The following AMACR variants were observed in gnomAD, a reference collection of about 807,000 sequenced individuals.
AMACR encodes 2-methylacyl-CoA racemase.
In AMACR, 18 loss-of-function variants were observed where a neutral mutation model predicts 22.2. That is an observed-to-expected ratio of 0.81 (90% confidence interval 0.56 to 1.20). The LOEUF (loss-of-function observed/expected upper bound fraction) is 1.20, where lower values mean the gene tolerates loss of function less well. Among genes scored for constraint, AMACR ranks in the 50% most tolerant of loss-of-function variants. The pLI, the probability that AMACR is intolerant of heterozygous loss-of-function variation, is 0.00. For synonymous variants in AMACR, 213 were observed against 191.3 expected, an observed-to-expected ratio of 1.11 and a Z score of -0.94; for missense variants, 499 against 490.6, an observed-to-expected ratio of 1.02 and a Z score of -0.16.
chr5:33,997,281 T>C (rs1753669560), intron 4 of AMACR: 3 of 772,626 alleles, frequency 3.9e-6, no homozygotes, highest in Non-Finnish European at 7.2e-6. Flanking sequence ...TATTTAGTTT[T>C]CTGTGAAGGA....
chr5:33,989,540 G>C, intron 4 of AMACR, 38 bp from the exon 5 acceptor site: 1 of 1,523,924 alleles, frequency 6.6e-7, no homozygotes. Context: ...ATTATGCTTT[G>C]AACAGAGCAA....
Position 33,991,034 on chromosome 5 carries a change from G to T in AMACR, c.740-1532C>A, listed in dbSNP as rs186966701. Among the ~76,000 whole-genome samples the T allele has an allele frequency of 1.5e-3, 234 of 152,268 alleles. 4 individuals are homozygous for T. The highest frequency in any genetic ancestry group is 1.1e-3 in the Non-Finnish European group (73 of 68,006). On this transcript the variant is annotated intron_variant, in intron 4 of 4. Transcript: ENST00000335606. ...TGTGAGTGAAAGGCACATAAAATGA[G>T]CATTGAGCAAAAAGTAGTGATCTTC...
chr5:34,000,128 A>G (rs920935572), intron 3 of AMACR, among the ~76,000 whole-genome samples: 2 of 152,208 alleles, frequency 1.3e-5, no homozygotes, highest in African/African-American at 4.8e-5. Context: ...TATTTGAAAC[A>G]CTATTGAGGA....
chr5:33,991,432 T>C (rs10039465), intron 4 of AMACR, among the ~76,000 whole-genome samples: 8,460 of 152,202 alleles, frequency 0.056, 837 homozygotes, highest in African/African-American at 0.19. Context: ...CAGTTATAGA[T>C]TGTGGCTAGC....
intron 4 of AMACR, among the ~76,000 whole-genome samples, chr5:33,990,034 T>G (rs1011547149): frequency 6.6e-6 from 1 of 152,062 alleles, no homozygotes; most frequent in Non-Finnish European, 1.5e-5. Flanking sequence ...TGGCCAGGAG[T>G]GATGGCACGA....
chr5:33,998,966 C>G, intron 3 of AMACR, 139 bp from the exon 4 acceptor site: 1 of 755,016 alleles, frequency 1.3e-6, no homozygotes, highest in Non-Finnish European at 2.2e-6. Context: ...AATTACACAA[C>G]TTCTCTGGTA....
At chr5:33,992,832 T>C (rs1753524763) in intron 4 of AMACR, among the ~76,000 whole-genome samples, 1 of 152,198 alleles carries the variant, frequency 6.6e-6, no homozygotes, top group Non-Finnish European at 1.5e-5. Flanking sequence ...TCTTACTTTT[T>C]AAAATCCGTA....
rs1296685764 is a variant in AMACR at position 33,986,640 on chromosome 5, G to C, written c.*2453C>G. ...TTCTAGGTAGATTTGGCTAATGGGAGACACTGGTAGGAAGACTAGGGGAGA... is the reference window on the plus strand; with the variant it reads ...TTCTAGGTAGATTTGGCTAATGGGACACACTGGTAGGAAGACTAGGGGAGA... On this transcript the variant is annotated 3_prime_UTR_variant, in exon 5 of 5. Coordinates refer to ENST00000335606, the MANE Select transcript of AMACR (RefSeq NM_014324.6). 1 of 152,214 alleles carries C rather than the reference G, an allele frequency of 6.6e-6. No individual in the cohort carries two copies. Among genetic ancestry groups the C allele is most frequent in the Non-Finnish European group, 1.5e-5 (1 of 68,056 alleles). 9.4% of individuals were successfully genotyped at this position (152,214 alleles called of 1,614,324 possible).
intron 4 of AMACR, among the ~76,000 whole-genome samples, chr5:33,992,655 A>C (rs1414614305): frequency 1.3e-5 from 2 of 152,144 alleles, no homozygotes; most frequent in Non-Finnish European, 2.9e-5. Context: ...GACTGCAGGA[A>C]GCCATGTTTG....
At position 34,007,764 on chromosome 5, in the gene AMACR, C is replaced by A. The variant is rs1361255226; in HGVS notation, c.247+9G>T. On this transcript the variant is annotated intron_variant, in intron 1 of 4. Transcript: ENST00000335606. ...CTTCCCGAGAGCAGCCCGCGGGGCC[C>A]GGGCTCACCGCGGCGGAAGGGCTCC... The A allele has an allele frequency of 2.1e-5, 32 of 1,545,998 alleles. No individual in the cohort carries two copies. Among genetic ancestry groups the A allele is most frequent in the Non-Finnish European group, 2.8e-5 (32 of 1,152,300 alleles).
Position 34,005,827 on chromosome 5 carries a change from A to C in AMACR, c.320T>G (p.Leu107Arg). ...GCTTCCTGACTGGCCAAATCCACTC[A>C]GCCTGGCATAAATAAGCCTTGGATT... Reference protein sequence around the residue: ...RENPRLIYARLSGFGQSGSFC... With the variant: ...RENPRLIYARRSGFGQSGSFC... Residue 107 changes from leucine to arginine, a missense_variant, in exon 2 of 5, where the codon CTG becomes CGG. By Grantham distance (102) the Leu-to-Arg change is moderately radical. Transcript: ENST00000335606. 2 of 1,614,194 alleles carry C rather than the reference A, an allele frequency of 1.2e-6. No homozygotes were observed. The highest frequency in any genetic ancestry group is 1.1e-5 in the South Asian group (1 of 91,086).
chr5:33,991,810 G>T (rs1056325981), intron 4 of AMACR, among the ~76,000 whole-genome samples: 1 of 150,780 alleles, frequency 6.6e-6, no homozygotes, highest in Non-Finnish European at 1.5e-5. Flanking sequence ...GTGTGATCTC[G>T]GCTCACTCCA....
At chr5:34,007,315 G>C (rs1297522414) in intron 1 of AMACR, among the ~76,000 whole-genome samples, 1 of 152,194 alleles carries the variant, frequency 6.6e-6, no homozygotes, top group Non-Finnish European at 1.5e-5. Flanking sequence ...TAGAACGCCA[G>C]CATTTCAGGC....
chr5:33,991,631 T>C (rs1434593296), intron 4 of AMACR, among the ~76,000 whole-genome samples: 43 of 152,090 alleles, frequency 2.8e-4, no homozygotes, highest in Admixed American at 2.8e-3. Flanking sequence ...CCATAAACTT[T>C]ACTGCTTTAT....
intron 3 of AMACR, among the ~76,000 whole-genome samples, chr5:33,999,257 A>T (rs1031992276): frequency 4.6e-5 from 7 of 152,246 alleles, no homozygotes; most frequent in Non-Finnish European, 1.0e-4. Flanking sequence ...ACACACACAG[A>T]TGTATAAACC....
chr5:33,997,701 T>C (rs1753687396), intron 4 of AMACR: 3 of 628,364 alleles, frequency 4.8e-6, no homozygotes, highest in Non-Finnish European at 5.8e-6. Context: ...GTACCCTTTA[T>C]GATCTAGATA....
intron 3 of AMACR, among the ~76,000 whole-genome samples, chr5:34,000,270 G>C (rs939761817): frequency 3.3e-5 from 5 of 152,134 alleles, no homozygotes; most frequent in African/African-American, 1.2e-4. Flanking sequence ...GCCTAACGCC[G>C]AATCAATAGG....
chr5:34,000,716 C>T (rs1734204896), intron 3 of AMACR, among the ~76,000 whole-genome samples: 2 of 152,134 alleles, frequency 1.3e-5, no homozygotes, highest in African/African-American at 4.8e-5. Context: ...CAGGATTTTC[C>T]TAACATCCAG....
intron 4 of AMACR, among the ~76,000 whole-genome samples, chr5:33,993,538 G>T (rs1380673355): frequency 6.6e-6 from 1 of 152,104 alleles, no homozygotes; most frequent in Non-Finnish European, 1.5e-5. Flanking sequence ...ACTCTCATTG[G>T]TAATACACAA....
Sources: gnomAD v4.1 joint callset for allele counts (sites outside exome capture counted in the v4.1 genomes callset) on GRCh38, gnomAD v4.1.1 for gene constraint, MANE v1.5 for transcripts, NCBI Gene and HGNC (gene_info 2026-07-23, HGNC 2026-07-21) for gene names.